Variants in GGTA1 observed in about 807,000 individuals in gnomAD.
GGTA1 encodes glycoprotein alpha-galactosyltransferase 1 (inactive).
GGTA1 carries 5 observed loss-of-function variants against 2.6 expected under a neutral mutation model. That is an observed-to-expected ratio of 1.92 (90% CI 1.00 to 4.04). The LOEUF is 4.04. Ranked by LOEUF, GGTA1 falls within the 30% of genes most tolerant of loss-of-function variation. The probability of loss-of-function intolerance (pLI) is 0.00; values close to 1 mark genes in which losing one functional copy is unlikely to be tolerated. For missense variants in GGTA1, 50 were observed against 16.7 expected, an observed-to-expected ratio of 2.99 and a Z score of -3.47; for synonymous variants, 17 against 5.0, an observed-to-expected ratio of 3.38 and a Z score of -3.19.
At chr9:121,447,248 G>A (rs763679738) in exon 8 of GGTA1, 1 of 152,600 alleles carries the variant, frequency 6.6e-6, no homozygotes, top group Admixed American at 6.5e-5. Flanking sequence ...AAAGTCATAG[G>A]GATCTGCCTT....
chr9:121,471,213 C>A (rs1828381941), intron 1 of GGTA1, among the ~76,000 whole-genome samples: 1 of 152,230 alleles, frequency 6.6e-6, no homozygotes, highest in South Asian at 2.1e-4. Flanking sequence ...CCACATCCCA[C>A]CCCTGCCCAC....
chr9:121,479,094 T>C, intron 1 of GGTA1: 2 of 456,548 alleles, frequency 4.4e-6, no homozygotes. Context: ...GCATCCTTCT[T>C]CCAGGTCCAC....
intron 1 of GGTA1, among the ~76,000 whole-genome samples, chr9:121,488,334 C>G (rs1367431798): frequency 6.6e-6 from 1 of 152,122 alleles, no homozygotes; most frequent in Non-Finnish European, 1.5e-5. Context: ...AATTCATGTT[C>G]ATTGAGGGCC....
chr9:121,486,272 C>G (rs1259657566), intron 1 of GGTA1, among the ~76,000 whole-genome samples: 1 of 152,200 alleles, frequency 6.6e-6, no homozygotes, highest in East Asian at 1.9e-4. Flanking sequence ...GCCCCAAGAC[C>G]TTTCTCAGTG....
At chr9:121,467,746 C>G in intron 2 of GGTA1, 97 bp downstream of exon 2, 1 of 392,856 alleles carries the variant, frequency 2.5e-6, no homozygotes, top group Non-Finnish European at 5.1e-6. Flanking sequence ...TTTAGTTAAT[C>G]CTAATTTCAA....
intron 2 of GGTA1, among the ~76,000 whole-genome samples, chr9:121,466,479 A>C (rs1487825287): frequency 6.6e-6 from 1 of 152,172 alleles, no homozygotes; most frequent in East Asian, 1.9e-4. Context: ...TGTTTTTCTT[A>C]AAATGAGTTG....
At chr9:121,452,346 C>G (rs2064882288), downstream of GGTA1, 1 of 152,396 alleles carries the variant, frequency 6.6e-6, no homozygotes, top group African/African-American at 2.4e-5. Flanking sequence ...AGAGACTGTC[C>G]AAGGATAAGG....
intron 1 of GGTA1, among the ~76,000 whole-genome samples, chr9:121,480,061 C>CTTTTCTTTTT (rs58602847): frequency 5.7e-5 from 8 of 139,828 alleles, no homozygotes; most frequent in South Asian, 2.2e-4. Context: ...CTTTTCTTTT[C>CTTTTCTTTTT]TTTTTTTTTT....
chr9:121,498,066 C>T (rs1829028930), intron 1 of GGTA1, among the ~76,000 whole-genome samples: 1 of 152,232 alleles, frequency 6.6e-6, no homozygotes. Context: ...TCTGAGCAAT[C>T]TGACATCAAA....
intron 5 of GGTA1, among the ~76,000 whole-genome samples, chr9:121,459,359 C>T (rs2064940526): frequency 6.6e-6 from 1 of 152,142 alleles, no homozygotes; most frequent in South Asian, 2.1e-4. Context: ...GAGGCTAAGC[C>T]TGGGAGGTCA....
chr9:121,454,353 G>A (rs2064894534), downstream of GGTA1, among the ~76,000 whole-genome samples: 3 of 152,204 alleles, frequency 2.0e-5, no homozygotes, highest in Admixed American at 2.0e-4. Context: ...CCAAGTCTCA[G>A]AGCAGCTTAT....
At chr9:121,446,601 T>G (rs2064853397) in exon 8 of GGTA1, 1 of 152,254 alleles carries the variant, frequency 6.6e-6, no homozygotes, top group African/African-American at 2.4e-5. Flanking sequence ...TTTCTCCAGA[T>G]GTCATCTGGC....
At chr9:121,471,871 A>G (rs987499585) in intron 1 of GGTA1, among the ~76,000 whole-genome samples, 1 of 152,178 alleles carries the variant, frequency 6.6e-6, no homozygotes, top group African/African-American at 2.4e-5. Context: ...ACCAGCATTG[A>G]GTGCTGGAAA....
chr9:121,466,814 G>A (rs1188050678), intron 2 of GGTA1, among the ~76,000 whole-genome samples: 2 of 152,052 alleles, frequency 1.3e-5, no homozygotes, highest in South Asian at 2.1e-4. Context: ...TTAGCTGGGC[G>A]TGGTAATACA....
intron 2 of GGTA1, among the ~76,000 whole-genome samples, chr9:121,465,856 T>A (rs2065001759): frequency 6.6e-6 from 1 of 152,192 alleles, no homozygotes; most frequent in Non-Finnish European, 1.5e-5. Context: ...CAGTGCTTTA[T>A]ACACAATAAC....
chr9:121,489,105 T>TA (rs1828820488), intron 1 of GGTA1, among the ~76,000 whole-genome samples: 2 of 152,228 alleles, frequency 1.3e-5, no homozygotes, highest in African/African-American at 4.8e-5. Flanking sequence ...TAGGCCTTAT[T>TA]AAAAAATTTA....
intron 1 of GGTA1, among the ~76,000 whole-genome samples, chr9:121,477,903 C>T (rs1828549777): frequency 6.6e-6 from 1 of 152,032 alleles, no homozygotes; most frequent in Admixed American, 6.6e-5. Context: ...AAGAGGGCTC[C>T]CCAAATGGAA....
rs1487817229 is a variant in GGTA1, at chr9:121,455,600, C to T, written c.*237G>A. On this transcript the variant is annotated 3_prime_UTR_variant, in exon 6 of 6. Coordinates refer to ENST00000481799, the MANE Select transcript of GGTA1 (RefSeq NM_001382585.1). Reference sequence around the variant, plus strand: ...TTTGCCATTTAATTTATATAAAAGACCCAACTGGAGTGTCTGATCCCCTGA... The same window carrying T: ...TTTGCCATTTAATTTATATAAAAGATCCAACTGGAGTGTCTGATCCCCTGA... The T allele has an allele frequency of 6.0e-6, 1 of 167,540 alleles. No homozygotes were observed. Among genetic ancestry groups the T allele is most frequent in the Non-Finnish European group, 1.3e-5 (1 of 76,148 alleles). 10.4% of individuals were successfully genotyped at this position (167,540 alleles called of 1,614,324 possible). A position where few individuals can be genotyped will look rare whatever the true frequency, so the allele number is the denominator to read the frequency against.
intron 5 of GGTA1, among the ~76,000 whole-genome samples, chr9:121,459,884 C>T (rs758241378): frequency 3.9e-5 from 6 of 152,214 alleles, no homozygotes; most frequent in Non-Finnish European, 7.3e-5. Flanking sequence ...AACACAATGC[C>T]TAGCACAGTG....
Sources: allele counts gnomAD v4.1 joint callset (sites outside exome capture counted in the v4.1 genomes callset), GRCh38; gene constraint gnomAD v4.1.1; transcripts MANE v1.5; gene names NCBI Gene and HGNC (gene_info 2026-07-23, HGNC 2026-07-21).